Variants in FAM120AOS observed in about 807,000 individuals in gnomAD.
The protein encoded by FAM120AOS is family with sequence similarity 120 member A opposite strand, also known as uncharacterized protein FAM120AOS.
FAM120AOS carries 15 observed loss-of-function variants against 20.2 expected under a neutral mutation model. That is an observed-to-expected ratio of 0.74 (90% CI 0.50 to 1.15). The LOEUF (loss-of-function observed/expected upper bound fraction) is 1.15, where lower values mean the gene tolerates loss of function less well. Among genes scored for constraint, FAM120AOS ranks in the 50% most tolerant of loss-of-function variants. The pLI is 0.00. For synonymous variants in FAM120AOS, 154 were observed against 154.0 expected (o/e 1.00, Z 0.00); for missense variants, 327 against 351.9 (o/e 0.93, Z 0.57).
In FAM120AOS at chr9:93,446,215, C is replaced by T. The variant is rs1454991947; in HGVS notation, c.*1396G>A. Among the ~76,000 whole-genome samples, 1 of 152,192 alleles carries T rather than the reference C, an allele frequency of 6.6e-6. No homozygotes were observed. The highest frequency in any genetic ancestry group is 1.9e-4 in the East Asian group (1 of 5,190). On this transcript the variant is annotated 3_prime_UTR_variant, in exon 3 of 3. Transcript: ENST00000375412. ...TTGTCAGCAAGGTCAAACGCCTGAG[C>T]CACAAGTCTTAGCTGTTTCCAGAAG...
intron 1 of FAM120AOS, chr9:93,451,077 G>A (rs992040629): frequency 5.8e-6 from 9 of 1,550,620 alleles, no homozygotes; most frequent in Non-Finnish European, 7.8e-6. Flanking sequence ...CGAAGCTGCT[G>A]GGATGAGCAC....
At position 93,453,137 on chromosome 9, in the gene FAM120AOS, C is replaced by G. The variant is rs576268205; in HGVS notation, c.-428G>C. Reference sequence around the variant, plus strand: ...GCAGTTCGGTTTTGTAGATCCCATGCGAAAGGAGTCGCTCAAAATCAGGGG... The same window carrying G: ...GCAGTTCGGTTTTGTAGATCCCATGGGAAAGGAGTCGCTCAAAATCAGGGG... On this transcript the variant is annotated 5_prime_UTR_variant, in exon 1 of 3. Transcript: ENST00000375412. 1 of 1,004,170 alleles carries G rather than the reference C, an allele frequency of 1.0e-6. No individual in the cohort carries two copies. Among genetic ancestry groups the G allele is most frequent in the African/African-American group, 1.7e-5 (1 of 57,514 alleles). 62.2% of individuals were successfully genotyped at this position (1,004,170 alleles called of 1,614,324 possible).
chr9:93,450,385 C>T, intron 2 of FAM120AOS, 94 bp downstream of exon 2: 3 of 1,479,442 alleles, frequency 2.0e-6, no homozygotes, highest in African/African-American at 2.8e-5. Flanking sequence ...AATGTAACTT[C>T]CTAAAATACC....
chr9:93,449,059 GTT>G (rs141231806), intron 2 of FAM120AOS, among the ~76,000 whole-genome samples: 8,125 of 142,580 alleles, frequency 0.057, 287 homozygotes, highest in East Asian at 0.11. Context: ...AATAAATAAA[GTT>G]TTTTTTTTTT....
intron 1 of FAM120AOS, chr9:93,450,962 TC>T (rs1360969393): frequency 7.0e-7 from 1 of 1,424,408 alleles, no homozygotes; most frequent in Non-Finnish European, 9.7e-7. Flanking sequence ...CTCAAGACAG[TC>T]TCTTCCGTGA....
chr9:93,451,814 G>GGCC (rs1165040602), intron 1 of FAM120AOS: 2 of 945,136 alleles, frequency 2.1e-6, no homozygotes, highest in African/African-American at 2.0e-5. Flanking sequence ...CCCCCCTAGA[G>GGCC]GCCGCCGCCC....
chr9:93,450,441 G>A, intron 2 of FAM120AOS, 38 bp downstream of exon 2: 1 of 1,534,646 alleles, frequency 6.5e-7, no homozygotes, highest in South Asian at 1.3e-5. Context: ...TGCATTTGAG[G>A]TGGGTATCAG....
intron 1 of FAM120AOS, chr9:93,451,589 G>A: frequency 1.0e-6 from 1 of 983,648 alleles, no homozygotes; most frequent in South Asian, 4.6e-5. Flanking sequence ...TCTTCCGCCT[G>A]CTAGCCGGCG....
intron 1 of FAM120AOS, chr9:93,451,397 G>C (rs1438602949): frequency 7.2e-7 from 1 of 1,383,490 alleles, no homozygotes; most frequent in African/African-American, 1.5e-5. Context: ...GGCCCTGCCG[G>C]GAACAGGGCG....
At position 93,451,875 on chromosome 9, in the gene FAM120AOS, C is replaced by A. The variant is rs1199938188; in HGVS notation, c.563+272G>T. 2.2e-5 allele frequency: 25 copies of A among 1,160,408 alleles called. No individual in the cohort carries two copies. The East Asian group carries it at 3.1e-4, about 15-fold the overall frequency. 71.9% of individuals were successfully genotyped at this position (1,160,408 alleles called of 1,614,324 possible). ...ACGGCCCCACCACCCCCGGCCCCGC[C>A]GCCCCCCGCCCGCACCCGCGCCCGC... On this transcript the variant is annotated intron_variant, in intron 1 of 2. Transcript: ENST00000375412.
In FAM120AOS at chr9:93,453,081, A is replaced by G. The variant is rs1360763604; in HGVS notation, c.-372T>C. Reference sequence around the variant, plus strand: ...AGGATGGGATTTTGTCAGTTCTGTGACTTCACGTCCGTGTGAAAGAGGTCT... The same window carrying G: ...AGGATGGGATTTTGTCAGTTCTGTGGCTTCACGTCCGTGTGAAAGAGGTCT... On this transcript the variant is annotated 5_prime_UTR_variant, in exon 1 of 3. Coordinates refer to ENST00000375412, the MANE Select transcript of FAM120AOS (RefSeq NM_198841.4). 9 of 1,069,220 alleles carry G rather than the reference A, an allele frequency of 8.4e-6. No individual in the cohort carries two copies. The highest frequency in any genetic ancestry group is 1.0e-5 in the Non-Finnish European group (9 of 883,172). The allele number at this position is 1,069,220 out of a possible 1,614,324, so 66.2% of individuals were successfully genotyped here.
At position 93,447,258 on chromosome 9, in the gene FAM120AOS, C is replaced by T; in HGVS notation, c.*353G>A. The T allele has an allele frequency of 4.6e-6, 1 of 217,398 alleles. No individual in the cohort carries two copies. The highest frequency in any genetic ancestry group is 9.3e-6 in the Non-Finnish European group (1 of 107,550). 13.5% of individuals were successfully genotyped at this position (217,398 alleles called of 1,614,324 possible). A position where few individuals can be genotyped will look rare whatever the true frequency, so the allele number is the denominator to read the frequency against. ...TCTATTTGTCTATATGTCTGTCTAC[C>T]TTGGTAGGTTGGGCTCCTTGAAGAA... On this transcript the variant is annotated 3_prime_UTR_variant, in exon 3 of 3. Coordinates refer to ENST00000375412, the MANE Select transcript of FAM120AOS (RefSeq NM_198841.4).
chr9:93,447,564 T>G lies in FAM120AOS; in HGVS notation c.*47A>C. ...TTCCCTCACACGATGGGTATCAGGGTGGTTTCTTGTCCTTTCAATGCCTCT... is the reference window on the plus strand; with the variant it reads ...TTCCCTCACACGATGGGTATCAGGGGGGTTTCTTGTCCTTTCAATGCCTCT... On this transcript the variant is annotated 3_prime_UTR_variant, in exon 3 of 3. Transcript: ENST00000375412. 6.6e-7 allele frequency: 1 copy of G among 1,507,256 alleles called. No individual in the cohort carries two copies. The highest frequency in any genetic ancestry group is 9.2e-7 in the Non-Finnish European group (1 of 1,084,490). The allele number at this position is 1,507,256 out of a possible 1,614,324, so 93.4% of individuals were successfully genotyped here. A position where few individuals can be genotyped will look rare whatever the true frequency, so the allele number is the denominator to read the frequency against.
In FAM120AOS at chr9:93,444,701, G is replaced by A. The variant is rs189135845; in HGVS notation, c.*2910C>T. 8.7e-5 allele frequency among the ~76,000 whole-genome samples: 13 copies of A among 150,044 alleles called. No individual in the cohort carries two copies. The highest frequency in any genetic ancestry group is 3.5e-3 in the Middle Eastern group (1 of 288). ...GCGATCTCGGCTCACCGCAACCTCC[G>A]CCTCCCAGGTTCAAGGGATTCTTCT... On this transcript the variant is annotated 3_prime_UTR_variant, in exon 3 of 3. Coordinates refer to ENST00000375412, the MANE Select transcript of FAM120AOS (RefSeq NM_198841.4).
intron 1 of FAM120AOS, chr9:93,451,904 C>T (rs1458505282): frequency 4.7e-6 from 6 of 1,273,478 alleles, no homozygotes; most frequent in Middle Eastern, 3.0e-4. Flanking sequence ...CGCCCGCGCC[C>T]CCGCCGCCGC....
Position 93,443,910 on chromosome 9 carries a change from G to GC in FAM120AOS, c.*3700dup, listed in dbSNP as rs1391032124. The stretch of plus-strand genomic sequence containing the variant: ...GCCTGCTCATTTTGCCAAAAGGAAC[G>GC]CCCCTCAGGCAGAAAGCAGAGAGAG... On this transcript the variant is annotated 3_prime_UTR_variant, in exon 3 of 3. Coordinates refer to ENST00000375412, the MANE Select transcript of FAM120AOS (RefSeq NM_198841.4). Among the ~76,000 whole-genome samples, 18 of 152,134 alleles carry GC rather than the reference G, an allele frequency of 1.2e-4. No individual in the cohort carries two copies. The highest frequency in any genetic ancestry group is 3.9e-4 in the Admixed American group (6 of 15,266).
In FAM120AOS at chr9:93,453,555, C is replaced by T. The variant is rs538575053; in HGVS notation, c.-846G>A. On this transcript the variant is annotated 5_prime_UTR_variant, in exon 1 of 3. Transcript: ENST00000375412. The stretch of plus-strand genomic sequence containing the variant: ...TGTCTTCGCGGTTGCCCCCACTGCC[C>T]GCGAGGAGATGGTGGTAGTTAAGCC... 2 of 985,376 alleles carry T rather than the reference C, an allele frequency of 2.0e-6. No homozygotes were observed. The highest frequency in any genetic ancestry group is 4.7e-5 in the South Asian group (1 of 21,276). 61.0% of individuals were successfully genotyped at this position (985,376 alleles called of 1,614,324 possible).
Position 93,445,449 on chromosome 9 carries a change from G to C in FAM120AOS, c.*2162C>G, listed in dbSNP as rs1016202095. Among the ~76,000 whole-genome samples the C allele has an allele frequency of 1.1e-4, 17 of 151,978 alleles. No homozygotes were observed. The highest frequency in any genetic ancestry group is 4.1e-4 in the African/African-American group (17 of 41,350). Reference sequence around the variant, plus strand: ...ACTCTTTTTCATGACTTTGAATCTTGAGCAAATGACTACAGTAAGAGTGGG... The same window carrying C: ...ACTCTTTTTCATGACTTTGAATCTTCAGCAAATGACTACAGTAAGAGTGGG... On this transcript the variant is annotated 3_prime_UTR_variant, in exon 3 of 3. Coordinates refer to ENST00000375412, the MANE Select transcript of FAM120AOS (RefSeq NM_198841.4).
chr9:93,450,873 C>T (rs1197592868), intron 1 of FAM120AOS: 1 of 927,056 alleles, frequency 1.1e-6, no homozygotes, highest in East Asian at 2.6e-5. Flanking sequence ...CTGGGAGATC[C>T]ACTGCAAAGG....
Sources: allele counts gnomAD v4.1 joint callset (sites outside exome capture counted in the v4.1 genomes callset), GRCh38; gene constraint gnomAD v4.1.1; transcripts MANE v1.5; gene names NCBI Gene and HGNC (gene_info 2026-07-23, HGNC 2026-07-21).